Variants in AMBRA1 observed in about 807,000 individuals in gnomAD.
AMBRA1 encodes the protein activating molecule in BECN1-regulated autophagy protein 1.
AMBRA1 carries 47 observed loss-of-function variants against 125.4 expected under a neutral mutation model. That is an observed-to-expected ratio of 0.37 (90% CI 0.30 to 0.48). The LOEUF (loss-of-function observed/expected upper bound fraction) is 0.48. Among genes scored for constraint, AMBRA1 ranks in the 20% least tolerant of loss-of-function variants. The pLI is 0.99. For synonymous variants in AMBRA1, 626 were observed against 655.5 expected, an observed-to-expected ratio of 0.95 and a Z score of 0.69; for missense variants, 1,331 against 1,693.4, an observed-to-expected ratio of 0.79 and a Z score of 3.76.
rs768845209 is a variant in AMBRA1 at position 46,542,546 on chromosome 11, T to A, written c.1471A>T (p.Asn491Tyr). ...AGCTCATGGCGAATGCTGCCCGAGT[T>A]GTTTTGGCTGGAGCCATTCCCTCCA... ...SDGGNGSSQNNSGSIRHELQC... is the reference protein window; with the variant it reads ...SDGGNGSSQNYSGSIRHELQC... The change falls in exon 7 of 18, where the codon AAC becomes TAC. Residue 491 changes from asparagine (N) to tyrosine (Y), a missense_variant. By Grantham distance (143) the Asn-to-Tyr change is moderately radical. Around this residue, in one of 4 missense-constraint regions of AMBRA1, gnomAD observed 689 missense variants for 776.5 expected, o/e 0.89. Coordinates refer to ENST00000683756, the MANE Select transcript of AMBRA1 (RefSeq NM_001387011.1). The surrounding 1 kb of genome is among the most constrained non-coding windows in gnomAD (Gnocchi z 5.9). 231 of 1,613,142 alleles carry A rather than the reference T, an allele frequency of 1.4e-4. No individual in the cohort carries two copies. Among genetic ancestry groups the A allele is most frequent in the Non-Finnish European group, 1.9e-4 (226 of 1,180,036 alleles).
In AMBRA1 at chr11:46,542,294, G is replaced by T; in HGVS notation, c.1723C>A (p.Leu575Met). 6.2e-7 allele frequency: 1 copy of T among 1,614,144 alleles called. No individual in the cohort carries two copies. Reference protein sequence around the residue: ...LNRCRACHNLLTFNNDTLRWE... With the variant: ...LNRCRACHNLMTFNNDTLRWE... ...CGCAGGGTATCGTTGTTGAAGGTCA[G>T]GAGATTGTGGCAAGCACGACAGCGA... Residue 575 changes from leucine to methionine, a missense_variant, in exon 7 of 18, where the codon CTG becomes ATG. This residue lies in a region of AMBRA1 where 689 missense variants were observed against 776.5 expected (regional missense o/e 0.89). Coordinates refer to ENST00000683756, the MANE Select transcript of AMBRA1 (RefSeq NM_001387011.1). The surrounding 1 kb of genome is among the most constrained non-coding windows in gnomAD (Gnocchi z 5.9).
intron 11 of AMBRA1, among the ~76,000 whole-genome samples, chr11:46,461,751 T>C (rs1949098084): frequency 6.6e-6 from 1 of 152,232 alleles, no homozygotes; most frequent in African/African-American, 2.4e-5. Context: ...CAGGCAGCTA[T>C]TGAGTGACAT....
chr11:46,494,139 C>G lies in AMBRA1; in HGVS notation c.2405G>C (p.Gly802Ala). ...CGGTTCTTACCTTGGGACAAAGCGT[C>G]CAAGCGAAGGTGCAGACATCCGGGC... ...RNARMSAPSL[G>A]RFVPRRFLLP... The change falls in exon 10 of 18, where the codon GGA becomes GCA. Residue 802 changes from glycine to alanine, a missense_variant. Gly to Ala is a moderately conservative substitution (Grantham distance 60). Transcript: ENST00000683756. The G allele has an allele frequency of 1.2e-6, 2 of 1,608,208 alleles. No homozygotes were observed. Among genetic ancestry groups the G allele is most frequent in the South Asian group, 2.2e-5 (2 of 89,652 alleles).
intron 9 of AMBRA1, among the ~76,000 whole-genome samples, chr11:46,503,249 T>A (rs1950910759): frequency 6.6e-6 from 1 of 151,936 alleles, no homozygotes; most frequent in South Asian, 2.1e-4. Flanking sequence ...CATACAGAGG[T>A]CACTATAGGG....
chr11:46,574,962 C>T (rs894620648), intron 1 of AMBRA1, among the ~76,000 whole-genome samples: 1 of 152,170 alleles, frequency 6.6e-6, no homozygotes, highest in Non-Finnish European at 1.5e-5. Context: ...TAGTTTCCTT[C>T]CTCTTTATCT....
chr11:46,432,405 G>A (rs1390307059), intron 14 of AMBRA1, among the ~76,000 whole-genome samples: 1 of 152,200 alleles, frequency 6.6e-6, no homozygotes, highest in East Asian at 1.9e-4. Flanking sequence ...CTTGAAAAGT[G>A]GCTCAGTGTA....
chr11:46,418,254 TTTA>T (rs1417121720), intron 14 of AMBRA1, among the ~76,000 whole-genome samples: 2 of 144,616 alleles, frequency 1.4e-5, no homozygotes, highest in African/African-American at 2.5e-5. Context: ...TAATATATAT[TTTA>T]TTATTTATAT....
chr11:46,580,717 C>A (rs2044139535), intron 1 of AMBRA1, among the ~76,000 whole-genome samples: 1 of 152,206 alleles, frequency 6.6e-6, no homozygotes, highest in Non-Finnish European at 1.5e-5. Context: ...TGCAATACTT[C>A]CTAACCATAC....
intron 14 of AMBRA1, among the ~76,000 whole-genome samples, chr11:46,418,308 ATTT>A (rs1946657628): frequency 5.7e-3 from 2 of 350 alleles, no homozygotes; most frequent in African/African-American, 9.2e-3. Context: ...TATAATATAT[ATTT>A]TATTATTTAT....
intron 14 of AMBRA1, chr11:46,428,699 T>C (rs968079990): frequency 2.6e-5 from 42 of 1,604,976 alleles, no homozygotes; most frequent in Non-Finnish European, 3.6e-5. Context: ...GCCTCTAAAC[T>C]GGAATTCGGT....
At chr11:46,520,570 G>C (rs551433395) in intron 7 of AMBRA1, among the ~76,000 whole-genome samples, 20 of 151,182 alleles carry the variant, frequency 1.3e-4, no homozygotes, top group African/African-American at 4.4e-4. Flanking sequence ...CTCTTCCCCA[G>C]TGCCCCACAG....
chr11:46,430,673 T>C (rs1177052324), intron 14 of AMBRA1, among the ~76,000 whole-genome samples: 1 of 152,190 alleles, frequency 6.6e-6, no homozygotes, highest in Non-Finnish European at 1.5e-5. Flanking sequence ...AGTGCCATCT[T>C]AAAATAAATC....
chr11:46,585,685 AAAAAAAAAAAATATAT>A (rs2044352093), intron 1 of AMBRA1, among the ~76,000 whole-genome samples: 2 of 32,316 alleles, frequency 6.2e-5, no homozygotes, highest in Non-Finnish European at 1.4e-4. Context: ...AAAAAAAAAA[AAAAAAAAAAAATATAT>A]ATATATATAT....
intron 15 of AMBRA1, among the ~76,000 whole-genome samples, chr11:46,410,879 G>A (rs903096551): frequency 6.6e-6 from 1 of 152,164 alleles, no homozygotes; most frequent in Non-Finnish European, 1.5e-5. Flanking sequence ...GAGGCGGGCA[G>A]ATCACAAGGT....
intron 12 of AMBRA1, among the ~76,000 whole-genome samples, chr11:46,442,326 A>G (rs1948057403): frequency 6.6e-6 from 1 of 152,018 alleles, no homozygotes; most frequent in Non-Finnish European, 1.5e-5. Context: ...TATTTTTAGT[A>G]GAGACGAGGT....
At chr11:46,556,653 G>A (rs2043164500) in intron 1 of AMBRA1, among the ~76,000 whole-genome samples, 1 of 152,060 alleles carries the variant, frequency 6.6e-6, no homozygotes, top group African/African-American at 2.4e-5. Context: ...CCTTTTCCTG[G>A]TATATGATGG....
At chr11:46,407,317 C>T (rs1004359780) in intron 17 of AMBRA1, among the ~76,000 whole-genome samples, 2 of 152,252 alleles carry the variant, frequency 1.3e-5, no homozygotes, top group Admixed American at 6.5e-5. Flanking sequence ...GAGAGGTTTG[C>T]CTCCTACTGA....
intron 14 of AMBRA1, among the ~76,000 whole-genome samples, chr11:46,431,864 A>AT (rs1208109110): frequency 6.6e-6 from 1 of 152,220 alleles, no homozygotes; most frequent in African/African-American, 2.4e-5. Flanking sequence ...CCAATGTCAA[A>AT]TATTTCCAGC....
rs750359323 is a variant in AMBRA1 at position 46,512,779 on chromosome 11, G to A, written c.2107C>T (p.Arg703Cys). 1.4e-5 allele frequency: 22 copies of A among 1,613,290 alleles called. No individual in the cohort carries two copies. Among genetic ancestry groups the A allele is most frequent in the Admixed American group, 5.0e-5 (3 of 59,906 alleles). Reference sequence around the variant, plus strand: ...TCTCTGGATCCTGCTCCATCATAACGGGATAATGAAATGAGGGAAGATTCC... The same window carrying A: ...TCTCTGGATCCTGCTCCATCATAACAGGATAATGAAATGAGGGAAGATTCC... ...LLESSLISLS[R>C]YDGAGSREHP... Residue 703 changes from arginine to cysteine, a missense_variant, in exon 8 of 18, where the codon CGT (arginine) becomes TGT (cysteine). Coordinates refer to ENST00000683756, the MANE Select transcript of AMBRA1 (RefSeq NM_001387011.1).
Sources: gnomAD v4.1 joint callset for allele counts (sites outside exome capture counted in the v4.1 genomes callset) on GRCh38, gnomAD v4.1.1 for gene constraint, gnomAD v4.1.1 regional missense constraint, Gnocchi (gnomAD v3.1) non-coding constraint, MANE v1.5 for transcripts, NCBI Gene and HGNC (gene_info 2026-07-23, HGNC 2026-07-21) for gene names.